The following ACOT7 variants were observed in gnomAD, a reference collection of about 807,000 sequenced individuals.
ACOT7 encodes the protein cytosolic acyl coenzyme A thioester hydrolase.
In ACOT7, 12 loss-of-function variants were observed where a neutral mutation model predicts 40.2. The ratio of observed to expected loss-of-function variants is 0.30; its 90% CI spans 0.19 to 0.48. The LOEUF (loss-of-function observed/expected upper bound fraction) is 0.48. ACOT7 is among the 20% of genes least tolerant of loss of function. The pLI is 0.99. For missense variants in ACOT7, 395 were observed against 530.8 expected (o/e 0.74, Z 2.51); for synonymous variants, 228 against 219.5 (o/e 1.04, Z -0.34).
intron 7 of ACOT7, among the ~76,000 whole-genome samples, chr1:6,281,749 A>G (rs1371804701): frequency 6.6e-6 from 1 of 152,048 alleles, no homozygotes; most frequent in East Asian, 1.9e-4. Context: ...CAGCTGCCCC[A>G]CTACACTGCT....
At chr1:6,385,641 C>T (rs537543895) in intron 1 of ACOT7, 28 of 1,612,218 alleles carry the variant, frequency 1.7e-5, no homozygotes, top group East Asian at 2.2e-5. Flanking sequence ...CTCACAGAGC[C>T]GGAGAGCCCT....
intron 1 of ACOT7, among the ~76,000 whole-genome samples, chr1:6,388,528 C>G (rs1441973208): frequency 6.7e-6 from 1 of 148,368 alleles, no homozygotes; most frequent in African/African-American, 2.5e-5. Flanking sequence ...CACTTAAGGT[C>G]AGGAGTTCGA....
At chr1:6,348,545 C>T (rs1044345474) in intron 2 of ACOT7, among the ~76,000 whole-genome samples, 2 of 152,134 alleles carry the variant, frequency 1.3e-5, no homozygotes, top group African/African-American at 4.8e-5. Context: ...AGAGCCCTCA[C>T]AAATGGGATT....
At chr1:6,328,838 C>G (rs929588268) in intron 4 of ACOT7, among the ~76,000 whole-genome samples, 1 of 151,696 alleles carries the variant, frequency 6.6e-6, no homozygotes, top group Admixed American at 6.6e-5. Context: ...GCACCACACT[C>G]GGATGGGACC....
intron 8 of ACOT7, among the ~76,000 whole-genome samples, chr1:6,280,103 G>A (rs898464955): frequency 1.3e-5 from 2 of 152,234 alleles, no homozygotes; most frequent in African/African-American, 4.8e-5. Flanking sequence ...CAGCCTCGCA[G>A]GGCCGTGGTG....
rs1641819987 is a variant in ACOT7, at chr1:6,358,778, C to T, written c.144-8912G>A. ...CTTCCAAATGTCCCTAAACAATCCA[C>T]CCACAGTGGCCCCTGCACGGCCTAG... is the stretch of plus-strand genomic sequence containing the variant. On this transcript the variant is annotated intron_variant, in intron 1 of 8. Transcript: ENST00000361521. The surrounding 1 kb of genome is among the most constrained non-coding windows in gnomAD (Gnocchi z 4.1). 3.8e-6 allele frequency: 6 copies of T among 1,583,850 alleles called. No individual in the cohort carries two copies. The highest frequency in any genetic ancestry group is 1.3e-5 in the African/African-American group (1 of 74,254).
intron 1 of ACOT7, among the ~76,000 whole-genome samples, chr1:6,374,394 G>A (rs1019964311): frequency 5.3e-5 from 8 of 152,228 alleles, no homozygotes; most frequent in African/African-American, 1.9e-4. Flanking sequence ...CAGAGTATGG[G>A]GCCAGTGGGT....
chr1:6,381,663 T>C (rs1642337458), intron 1 of ACOT7, among the ~76,000 whole-genome samples: 1 of 151,844 alleles, frequency 6.6e-6, no homozygotes, highest in African/African-American at 2.4e-5. Flanking sequence ...TGCCATATGA[T>C]CCAGCAATTC....
rs7514677 is a variant in ACOT7, at chr1:6,359,260, C to A, written c.144-9394G>T. ...GCCAAAGCCAGGTCTGGCCCCACTG[C>A]CGCCTTCTAGAGCTCCCTGAAATGT... On this transcript the variant is annotated intron_variant, in intron 1 of 8. Transcript: ENST00000361521. This position sits in a 1 kb window ranked among gnomAD's most constrained non-coding sequence, Gnocchi z 4.1. The A allele has an allele frequency of 0.024, 4,058 of 169,200 alleles. 77 individuals carry two copies. The highest frequency in any genetic ancestry group is 0.078 in the Middle Eastern group (27 of 344). The allele number at this position is 169,200 out of a possible 1,614,324, so 10.5% of individuals were successfully genotyped here. A position where few individuals can be genotyped will look rare whatever the true frequency, so the allele number is the denominator to read the frequency against.
At chr1:6,340,556 C>T (rs553356631) in intron 2 of ACOT7, among the ~76,000 whole-genome samples, 25 of 152,304 alleles carry the variant, frequency 1.6e-4, no homozygotes, top group African/African-American at 5.8e-4. Context: ...TCTGTCTTTC[C>T]AGGCTTTTTT....
At position 6,352,758 on chromosome 1, in the gene ACOT7, A is replaced by AT. The variant is rs1252975997; in HGVS notation, c.144-2893dup. ...CCACCACGCCCGGCTAATTTTTTGC[A>AT]TTTTTTAGTAGAGAAGGGGTTTCAC... On this transcript the variant is annotated intron_variant, in intron 1 of 8. Coordinates refer to ENST00000361521, the MANE Select transcript of ACOT7 (RefSeq NM_007274.4). This position sits in a 1 kb window ranked among gnomAD's most constrained non-coding sequence, Gnocchi z 4.5. Among the ~76,000 whole-genome samples the AT allele has an allele frequency of 3.3e-5, 5 of 150,774 alleles. No homozygotes were observed. The highest frequency in any genetic ancestry group is 4.9e-5 in the African/African-American group (2 of 40,916).
chr1:6,385,275 G>A (rs1642415689), intron 1 of ACOT7, among the ~76,000 whole-genome samples: 2 of 151,730 alleles, frequency 1.3e-5, no homozygotes, highest in African/African-American at 4.8e-5. Flanking sequence ...ACAAAGCCCG[G>A]GTGTTCCGCT....
chr1:6,272,311 GT>G (rs1170625201), intron 8 of ACOT7, among the ~76,000 whole-genome samples: 2 of 152,242 alleles, frequency 1.3e-5, no homozygotes, highest in African/African-American at 4.8e-5. Context: ...AATAGGGATG[GT>G]CTTTATGTTA....
chr1:6,308,579 AACT>A (rs1285829452), intron 6 of ACOT7, among the ~76,000 whole-genome samples: 1 of 150,802 alleles, frequency 6.6e-6, no homozygotes, highest in Non-Finnish European at 1.5e-5. Context: ...AACCAGAGGG[AACT>A]ACAACTGGGC....
intron 5 of ACOT7, among the ~76,000 whole-genome samples, chr1:6,326,263 C>T (rs1557651802): frequency 6.6e-6 from 1 of 152,202 alleles, no homozygotes; most frequent in Non-Finnish European, 1.5e-5. Context: ...TCGTTGCCTG[C>T]CCCCGAGGGC....
At chr1:6,369,612 T>C (rs188252306) in intron 1 of ACOT7, among the ~76,000 whole-genome samples, 55 of 152,046 alleles carry the variant, frequency 3.6e-4, no homozygotes, top group Admixed American at 1.8e-3. Flanking sequence ...GGAGTCTCGC[T>C]GTATCGCCCA....
At position 6,358,834 on chromosome 1, in the gene ACOT7, C is replaced by A; in HGVS notation, c.144-8968G>T. 6.2e-7 allele frequency: 1 copy of A among 1,614,032 alleles called. No homozygotes were observed. The highest frequency in any genetic ancestry group is 8.5e-7 in the Non-Finnish European group (1 of 1,179,916). On this transcript the variant is annotated intron_variant, in intron 1 of 8. Transcript: ENST00000361521. This position sits in a 1 kb window ranked among gnomAD's most constrained non-coding sequence, Gnocchi z 4.1. ...CCCATGACTGGCAGTACCTGCTCAG[C>A]TGGAAAGCCATGGTGGCTAGGACAT...
rs558773566 is a variant in ACOT7 at position 6,338,805 on chromosome 1, C to T, written c.418+628G>A. Among the ~76,000 whole-genome samples the T allele has an allele frequency of 1.9e-3, 284 of 152,256 alleles. 1 individual carries two copies. Among genetic ancestry groups the T allele is most frequent in the Middle Eastern group, 3.4e-3 (1 of 292 alleles). On this transcript the variant is annotated intron_variant, in intron 3 of 8. Transcript: ENST00000361521. This position sits in a 1 kb window ranked among gnomAD's most constrained non-coding sequence, Gnocchi z 4.4. ...GGCAGGGGAAGAGGCCCGCCTTCCC[C>T]CTCACCTCCCGTCCCCAGCCTGGGT...
rs1174663931 is a variant in ACOT7 at position 6,355,653 on chromosome 1, G to A, written c.144-5787C>T. 6.6e-6 allele frequency among the ~76,000 whole-genome samples: 1 copy of A among 152,214 alleles called. No homozygotes were observed. The highest frequency in any genetic ancestry group is 2.4e-5 in the African/African-American group (1 of 41,454). On this transcript the variant is annotated intron_variant, in intron 1 of 8. Transcript: ENST00000361521. This position sits in a 1 kb window ranked among gnomAD's most constrained non-coding sequence, Gnocchi z 5.0. The stretch of plus-strand genomic sequence containing the variant: ...GGTGAGATGCCTGTGTCTTTTGGAT[G>A]CCTTTAAACCATCTCAACCCTTTCA...
Sources: allele counts gnomAD v4.1 joint callset (sites outside exome capture counted in the v4.1 genomes callset), GRCh38; gene constraint gnomAD v4.1.1; non-coding constraint Gnocchi (gnomAD v3.1); transcripts MANE v1.5; gene names NCBI Gene and HGNC (gene_info 2026-07-23, HGNC 2026-07-21).